The following LAMC2 variants were observed in gnomAD, a reference collection of about 807,000 sequenced individuals.
LAMC2 encodes laminin subunit gamma-2.
In LAMC2, 97 loss-of-function variants were observed where a neutral mutation model predicts 140.2. That is an observed-to-expected ratio of 0.69 (90% CI 0.59 to 0.82). The LOEUF is 0.82. Among genes scored for constraint, LAMC2 ranks in the 40% least tolerant of loss-of-function variants. The probability of loss-of-function intolerance (pLI) is 0.00; values close to 1 mark genes in which losing one functional copy is unlikely to be tolerated. For synonymous variants in LAMC2, 513 were observed against 540.2 expected (o/e 0.95, Z 0.70); for missense variants, 1,402 against 1,476.1 (o/e 0.95, Z 0.82).
chr1:183,232,531 G>A, intron 13 of LAMC2, 121 bp from the exon 14 acceptor site: 5 of 1,087,004 alleles, frequency 4.6e-6, no homozygotes, highest in Non-Finnish European at 6.9e-6. Flanking sequence ...AAGAATGGTT[G>A]GATGCATTTC....
intron 15 of LAMC2, 82 bp downstream of exon 15, chr1:183,234,528 C>A: frequency 9.2e-7 from 1 of 1,084,666 alleles, no homozygotes; most frequent in Non-Finnish European, 1.4e-6. Context: ...TATTAGGGAC[C>A]CAAGCATCGT....
At chr1:183,257,323 C>G in the LAMC2 span, among the ~76,000 whole-genome samples, 2 of 152,064 alleles carry the variant, frequency 1.3e-5, no homozygotes, top group Middle Eastern at 3.4e-3. Context: ...CACCTGTAAT[C>G]CCAGCTACTT....
At position 183,226,769 on chromosome 1, in the gene LAMC2, G is replaced by A; in HGVS notation, c.1138G>A (p.Glu380Lys). Reference protein sequence around the residue: ...PVSGAPAPWVEQCICPVGYKG... With the variant: ...PVSGAPAPWVKQCICPVGYKG... ...CTCTGGAGCCCCAGCACCCTGGGTTGAACAGTGTATATGTCCTGTTGGGTA... is the reference window on the plus strand; with the variant it reads ...CTCTGGAGCCCCAGCACCCTGGGTTAAACAGTGTATATGTCCTGTTGGGTA... Residue 380 changes from glutamate to lysine, a missense_variant, in exon 9 of 23, where the codon GAA (glutamate) becomes AAA (lysine). Physicochemically the swap from Glu to Lys is moderately conservative, Grantham distance 56. Transcript: ENST00000264144. The A allele has an allele frequency of 6.2e-7, 1 of 1,614,218 alleles. No homozygotes were observed. The highest frequency in any genetic ancestry group is 8.5e-7 in the Non-Finnish European group (1 of 1,180,036).
chr1:183,254,959 C>T, the LAMC2 span, among the ~76,000 whole-genome samples: 1 of 152,090 alleles, frequency 6.6e-6, no homozygotes, highest in Non-Finnish European at 1.5e-5. Flanking sequence ...GTAGCCTGTG[C>T]TTTCAGTGTG....
chr1:183,196,339 G>A (rs904098999), intron 1 of LAMC2, among the ~76,000 whole-genome samples: 2 of 152,172 alleles, frequency 1.3e-5, no homozygotes, highest in Non-Finnish European at 2.9e-5. Flanking sequence ...GTTTCACCAT[G>A]TTGGTAAGGC....
chr1:183,200,282 C>G (rs896487426), intron 1 of LAMC2, among the ~76,000 whole-genome samples: 1 of 151,790 alleles, frequency 6.6e-6, no homozygotes, highest in East Asian at 1.9e-4. Context: ...CCCAGCTACT[C>G]GAGAGGCTGA....
chr1:183,208,865 G>A (rs1445856430), intron 2 of LAMC2, among the ~76,000 whole-genome samples: 1 of 152,026 alleles, frequency 6.6e-6, no homozygotes, highest in African/African-American at 2.4e-5. Flanking sequence ...ATTTTTAGTA[G>A]AGATGGGGTT....
At chr1:183,241,294 A>G in intron 22 of LAMC2, 1 of 984,906 alleles carries the variant, frequency 1.0e-6, no homozygotes, top group Non-Finnish European at 1.2e-6. Flanking sequence ...TGCCGATTTT[A>G]CATTTGTTCC....
chr1:183,237,420 T>C lies in LAMC2; in HGVS notation c.2670T>C (p.Asp890=). The stretch of plus-strand genomic sequence containing the variant: ...CAAGCCTGGTAACCAGGCATATGGA[T>C]GAGTTCAAGCGTACACAGAAGAATC... The part of the protein sequence containing the change: ...SLSSLVTRHM[D]EFKRTQKNLG... Residue 890 remains aspartate (D), a synonymous_variant, in exon 18 of 23, where the codon GAT becomes GAC. Coordinates refer to ENST00000264144, the MANE Select transcript of LAMC2 (RefSeq NM_005562.3). 1 of 1,614,086 alleles carries C rather than the reference T, an allele frequency of 6.2e-7. No homozygotes were observed. Among genetic ancestry groups the C allele is most frequent in the Non-Finnish European group, 8.5e-7 (1 of 1,179,972 alleles).
At chr1:183,224,914 C>G (rs1307847527) in intron 7 of LAMC2, among the ~76,000 whole-genome samples, 1 of 152,198 alleles carries the variant, frequency 6.6e-6, no homozygotes. Context: ...CCACCTGACT[C>G]CCCTGGCTGG....
Position 183,228,761 on chromosome 1 carries a change from G to A in LAMC2, c.1714+142G>A. ...CCAAACTGGCCTGTGAGCACCCTGG[G>A]CCTTTCTTCCTCTGTCAAAGGCCTT... On this transcript the variant is annotated intron_variant, in intron 11 of 22. Coordinates refer to ENST00000264144, the MANE Select transcript of LAMC2 (RefSeq NM_005562.3). This position sits in a 1 kb window ranked among gnomAD's most constrained non-coding sequence, Gnocchi z 4.3. 8.8e-7 allele frequency: 1 copy of A among 1,134,200 alleles called. No homozygotes were observed. The highest frequency in any genetic ancestry group is 1.3e-6 in the Non-Finnish European group (1 of 767,042). The allele number at this position is 1,134,200 out of a possible 1,614,324, so 70.3% of individuals were successfully genotyped here.
chr1:183,199,504 C>T (rs1658638445), intron 1 of LAMC2, among the ~76,000 whole-genome samples: 1 of 151,832 alleles, frequency 6.6e-6, no homozygotes, highest in Non-Finnish European at 1.5e-5. Flanking sequence ...TTCCCTCCCT[C>T]AATTCCTTTC....
intron 5 of LAMC2, 59 bp from the exon 6 acceptor site, chr1:183,222,030 T>G: frequency 1.9e-6 from 3 of 1,610,672 alleles, no homozygotes; most frequent in Non-Finnish European, 1.7e-6. Flanking sequence ...TCTTTCTTTG[T>G]TTAACTTAAT....
At chr1:183,230,769 A>G (rs1659774142) in intron 11 of LAMC2, among the ~76,000 whole-genome samples, 192 bp from the exon 12 acceptor site, 1 of 152,168 alleles carries the variant, frequency 6.6e-6, no homozygotes, top group Admixed American at 6.5e-5. Flanking sequence ...AAAGGCTGTA[A>G]TCTCCCTGCA....
chr1:183,209,471 T>C (rs1659007066), intron 2 of LAMC2, among the ~76,000 whole-genome samples: 1 of 152,236 alleles, frequency 6.6e-6, no homozygotes, highest in Admixed American at 6.5e-5. Flanking sequence ...TAAGTTGCTG[T>C]CACAATGTGG....
At chr1:183,221,347 T>A (rs1045426466) in intron 5 of LAMC2, among the ~76,000 whole-genome samples, 2 of 152,228 alleles carry the variant, frequency 1.3e-5, no homozygotes, top group African/African-American at 4.8e-5. Flanking sequence ...AGCTGATTTA[T>A]GTGAAATTAG....
chr1:183,190,584 A>G (rs1052098020), intron 1 of LAMC2, among the ~76,000 whole-genome samples: 3 of 152,142 alleles, frequency 2.0e-5, no homozygotes, highest in African/African-American at 7.2e-5. Flanking sequence ...TACAAAGATC[A>G]TCTCTCATTT....
downstream of LAMC2, among the ~76,000 whole-genome samples, chr1:183,247,021 G>C (rs1441943324): frequency 6.6e-6 from 1 of 152,156 alleles, no homozygotes; most frequent in Non-Finnish European, 1.5e-5. Context: ...CACTTTAAAT[G>C]AGCTCTTGGC....
chr1:183,213,794 G>C (rs1420984524), intron 2 of LAMC2, among the ~76,000 whole-genome samples: 1 of 150,098 alleles, frequency 6.7e-6, no homozygotes, highest in African/African-American at 2.5e-5. Flanking sequence ...GGCCAGGTGC[G>C]GTGGCTCATG....
Sources: gnomAD v4.1 joint callset for allele counts (sites outside exome capture counted in the v4.1 genomes callset) on GRCh38, gnomAD v4.1.1 for gene constraint, Gnocchi (gnomAD v3.1) non-coding constraint, MANE v1.5 for transcripts, NCBI Gene and HGNC (gene_info 2026-07-23, HGNC 2026-07-21) for gene names.